CALCR: variants seen among roughly 807,000 people sequenced by gnomAD.
CALCR encodes calcitonin receptor.
A neutral mutation model predicts 59.5 loss-of-function variants in CALCR; 47 were observed. That is an observed-to-expected ratio of 0.79 (90% CI 0.63 to 1.01). The LOEUF (loss-of-function observed/expected upper bound fraction) is 1.01. CALCR is among the 50% of genes least tolerant of loss of function. The pLI is 0.00. For missense variants in CALCR, 566 were observed against 597.1 expected (o/e 0.95, Z 0.54); for synonymous variants, 213 against 211.3 (o/e 1.01, Z -0.07).
chr7:93,537,522 G>GT (rs945166655), intron 2 of CALCR, among the ~76,000 whole-genome samples: 13 of 151,680 alleles, frequency 8.6e-5, no homozygotes, highest in African/African-American at 3.1e-4. Flanking sequence ...TCAATATACA[G>GT]TTTTTTATGG....
intron 2 of CALCR, among the ~76,000 whole-genome samples, chr7:93,532,569 C>T (rs1405122491): frequency 6.6e-6 from 1 of 151,836 alleles, no homozygotes; most frequent in Non-Finnish European, 1.5e-5. Context: ...CATGGTGTGC[C>T]AAAAGCTCAG....
chr7:93,501,309 T>C (rs1801316740), intron 2 of CALCR, among the ~76,000 whole-genome samples: 1 of 152,074 alleles, frequency 6.6e-6, no homozygotes, highest in Non-Finnish European at 1.5e-5. Flanking sequence ...TTAGTCCTTG[T>C]GAGAAACTTG....
At position 93,554,769 on chromosome 7, in the gene CALCR, G is replaced by GTATATATATATATATATATATA. The variant is rs55879216; in HGVS notation, c.-27+19498_-27+19519dup. Among the ~76,000 whole-genome samples, 183 of 117,172 alleles carry GTATATATATATATATATATATA rather than the reference G, an allele frequency of 1.6e-3. 7 individuals are homozygous for GTATATATATATATATATATATA. Among genetic ancestry groups the GTATATATATATATATATATATA allele is most frequent in the East Asian group, 5.4e-3 (19 of 3,540 alleles). 76.9% of individuals were successfully genotyped at this position (117,172 alleles called of 152,430 possible). The stretch of plus-strand genomic sequence containing the variant: ...ATAGATGTTCAAATTGCCAGGCCAT[G>GTATATATATATATATATATATA]TATATATATATATATATATATATTA... On this transcript the variant is annotated intron_variant, in intron 2 of 13. Transcript: ENST00000426151.
intron 2 of CALCR, among the ~76,000 whole-genome samples, chr7:93,492,844 A>G (rs2115964193): frequency 6.6e-6 from 1 of 151,512 alleles, no homozygotes; most frequent in South Asian, 2.1e-4. Flanking sequence ...AAACCTGAAT[A>G]GGGTTTTGAA....
Position 93,537,646 on chromosome 7 carries a change from TGTTACA to T in CALCR, c.-27+36637_-27+36642del, listed in dbSNP as rs1165794265. On this transcript the variant is annotated intron_variant, in intron 2 of 13. Transcript: ENST00000426151. ...TTTTATGTCAATTACTTAACTAGCT[TGTTACA>T]GTGCTTTCCATGAAACACATTTTAC... is the stretch of plus-strand genomic sequence containing the variant. Among the ~76,000 whole-genome samples, 9 of 151,820 alleles carry T rather than the reference TGTTACA, an allele frequency of 5.9e-5. No homozygotes were observed. In the East Asian group the frequency reaches 1.7e-3, roughly 29 times the overall value.
chr7:93,500,529 G>T (rs1801300636), intron 2 of CALCR, among the ~76,000 whole-genome samples: 1 of 151,886 alleles, frequency 6.6e-6, no homozygotes. Context: ...CCAGTCTGGG[G>T]TTCTTAATTT....
chr7:93,566,794 G>C (rs554506199), intron 2 of CALCR, among the ~76,000 whole-genome samples: 9 of 152,024 alleles, frequency 5.9e-5, no homozygotes, highest in African/African-American at 2.2e-4. Flanking sequence ...TTTTGTTTTT[G>C]TTTTTGTTTT....
chr7:93,463,682 T>C (rs962551148), intron 7 of CALCR, among the ~76,000 whole-genome samples: 17 of 152,008 alleles, frequency 1.1e-4, no homozygotes, highest in African/African-American at 3.6e-4. Context: ...TGATAATTGT[T>C]CTGAAGAAGA....
intron 2 of CALCR, among the ~76,000 whole-genome samples, chr7:93,549,180 T>C (rs1033172716): frequency 6.6e-6 from 1 of 152,114 alleles, no homozygotes; most frequent in Non-Finnish European, 1.5e-5. Context: ...ATGTTTACAG[T>C]GGAGGGGTTG....
intron 2 of CALCR, among the ~76,000 whole-genome samples, chr7:93,567,582 G>C (rs1312992605): frequency 6.6e-6 from 1 of 151,748 alleles, no homozygotes; most frequent in Non-Finnish European, 1.5e-5. Context: ...TTAAGTTCTA[G>C]GGTACACGTG....
At chr7:93,471,323 G>T (rs1049910372) in intron 6 of CALCR, among the ~76,000 whole-genome samples, 14 of 151,780 alleles carry the variant, frequency 9.2e-5, no homozygotes, top group Non-Finnish European at 1.9e-4. Context: ...CTCCATTAGG[G>T]TGTAGACATG....
At chr7:93,542,565 A>T (rs1276979645) in intron 2 of CALCR, among the ~76,000 whole-genome samples, 1 of 152,054 alleles carries the variant, frequency 6.6e-6, no homozygotes, top group African/African-American at 2.4e-5. Flanking sequence ...TATGAAAAAA[A>T]TTTTTCTTTC....
At chr7:93,523,339 T>G (rs1801803877) in intron 2 of CALCR, among the ~76,000 whole-genome samples, 1 of 152,196 alleles carries the variant, frequency 6.6e-6, no homozygotes, top group Non-Finnish European at 1.5e-5. Context: ...AGAAGGTGCT[T>G]AATAAAAGTC....
intron 11 of CALCR, among the ~76,000 whole-genome samples, chr7:93,436,833 T>C (rs997566064): frequency 2.0e-5 from 3 of 152,196 alleles, no homozygotes; most frequent in African/African-American, 4.8e-5. Flanking sequence ...ATTTACTTTT[T>C]CCCCACACAT....
chr7:93,509,324 C>T (rs1801496163), intron 2 of CALCR, among the ~76,000 whole-genome samples: 2 of 152,126 alleles, frequency 1.3e-5, no homozygotes, highest in South Asian at 4.2e-4. Context: ...GCAGGCAACT[C>T]TAAAATTCAA....
intron 2 of CALCR, among the ~76,000 whole-genome samples, chr7:93,509,955 T>C (rs566696785): frequency 1.3e-5 from 2 of 152,286 alleles, no homozygotes; most frequent in South Asian, 4.1e-4. Context: ...TAGTTGGGCA[T>C]TACATTTATA....
rs143562544 is a variant in CALCR at position 93,547,355 on chromosome 7, T to C, written c.-27+26934A>G. 1.6e-3 allele frequency among the ~76,000 whole-genome samples: 245 copies of C among 152,344 alleles called. 1 individual carries two copies. Among genetic ancestry groups the C allele is most frequent in the African/African-American group, 5.7e-3 (235 of 41,588 alleles). ...CTTTGGGGGATATATAAACAAATAA[T>C]GAAAAGTACTTGAAATTGCATTGCA... On this transcript the variant is annotated intron_variant, in intron 2 of 13. Coordinates refer to ENST00000426151, the MANE Select transcript of CALCR (RefSeq NM_001742.4).
chr7:93,465,008 T>C (rs1308063201), intron 7 of CALCR, among the ~76,000 whole-genome samples: 5 of 151,954 alleles, frequency 3.3e-5, no homozygotes, highest in African/African-American at 1.2e-4. Context: ...ATGTGGCCAA[T>C]GTAACGTAAT....
chr7:93,443,874 C>T (rs748752860), intron 8 of CALCR, 117 bp from the exon 9 acceptor site: 13 of 826,930 alleles, frequency 1.6e-5, no homozygotes, highest in Non-Finnish European at 2.5e-5. Context: ...AGGCAGTTTC[C>T]CAAGCATCTG....
Sources: allele counts gnomAD v4.1 joint callset (sites outside exome capture counted in the v4.1 genomes callset), GRCh38; gene constraint gnomAD v4.1.1; transcripts MANE v1.5; gene names NCBI Gene and HGNC (gene_info 2026-07-23, HGNC 2026-07-21).